PIAS4: variants seen among roughly 807,000 people sequenced by gnomAD.
PIAS4 encodes the protein protein inhibitor of activated STAT 4.
In PIAS4, 7 loss-of-function variants were observed where a neutral mutation model predicts 58.0. That is an observed-to-expected ratio of 0.12 (90% CI 0.07 to 0.23). The LOEUF is 0.23. PIAS4 is among the 10% of genes least tolerant of loss of function. PIAS4 has a pLI of 1.00. For missense variants in PIAS4, 550 were observed against 709.5 expected, an observed-to-expected ratio of 0.78 and a Z score of 2.55; for synonymous variants, 364 against 312.4, an observed-to-expected ratio of 1.17 and a Z score of -1.74.
Position 4,037,531 on chromosome 19 carries a change from C to T in PIAS4, c.1273+27C>T. The stretch of plus-strand genomic sequence containing the variant: ...TGAGTGCCTCACCCCACCAGCCGCG[C>T]AGTCCGCAGCCAGGGCCGCCTCAGT... On this transcript the variant is annotated intron_variant, in intron 10 of 10. Coordinates refer to ENST00000262971, the MANE Select transcript of PIAS4 (RefSeq NM_015897.4). This position sits in a 1 kb window ranked among gnomAD's most constrained non-coding sequence, Gnocchi z 5.8. The T allele has an allele frequency of 1.2e-6, 2 of 1,608,058 alleles. No homozygotes were observed. The highest frequency in any genetic ancestry group is 2.2e-5 in the East Asian group (1 of 44,876).
At chr19:4,036,091 C>G (rs2040279005) in intron 9 of PIAS4, among the ~76,000 whole-genome samples, 2 of 127,484 alleles carry the variant, frequency 1.6e-5, no homozygotes, top group Admixed American at 8.0e-5. Context: ...GTACAGTCCA[C>G]ACCGTCATAC....
At chr19:4,026,717 CTG>C (rs2040168503) in intron 3 of PIAS4, among the ~76,000 whole-genome samples, 2 of 152,128 alleles carry the variant, frequency 1.3e-5, no homozygotes, top group Non-Finnish European at 2.9e-5. Flanking sequence ...GAATCTCACT[CTG>C]TCGCCCAGGC....
intron 1 of PIAS4, among the ~76,000 whole-genome samples, chr19:4,012,604 C>T (rs2040006777): frequency 6.6e-6 from 1 of 152,126 alleles, no homozygotes; most frequent in Admixed American, 6.5e-5. Context: ...AAGTAAAGCA[C>T]AATTGTCAGT....
chr19:4,037,818 G>A lies in PIAS4; in HGVS notation c.1476G>A (p.Glu492=), dbSNP rs1012581725. The A allele has an allele frequency of 1.3e-6, 2 of 1,579,996 alleles. No individual in the cohort carries two copies. The highest frequency in any genetic ancestry group is 1.7e-6 in the Non-Finnish European group (2 of 1,163,760). The change falls in exon 11 of 11, where the codon GAG becomes GAA. Residue 492 remains glutamate, a synonymous_variant. Coordinates refer to ENST00000262971, the MANE Select transcript of PIAS4 (RefSeq NM_015897.4). The surrounding 1 kb of genome is among the most constrained non-coding windows in gnomAD (Gnocchi z 5.8). ...AGGAGGAGGAAGACGAGGACGAAGA[G>A]GGGCCCCGGCCCAAGCGCCGCTGCC... ...EEEEEEDEDE[E]GPRPKRRCPF... is the part of the protein sequence containing the mutation.
rs964229869 is a variant in PIAS4, at chr19:4,037,149, C to T, written c.1143-225C>T. 3.9e-4 allele frequency among the ~76,000 whole-genome samples: 59 copies of T among 152,240 alleles called. No homozygotes were observed. The highest frequency in any genetic ancestry group is 1.3e-3 in the African/African-American group (54 of 41,462). ...TATGTGTGTCCATGCCCCGTCCCCC[C>T]GGCAGTGCCGTGCACTGCAGACCTG... On this transcript the variant is annotated intron_variant, in intron 9 of 10. Coordinates refer to ENST00000262971, the MANE Select transcript of PIAS4 (RefSeq NM_015897.4). This position sits in a 1 kb window ranked among gnomAD's most constrained non-coding sequence, Gnocchi z 5.8.
intron 2 of PIAS4, among the ~76,000 whole-genome samples, chr19:4,014,995 C>A (rs537380523): frequency 6.6e-6 from 1 of 152,192 alleles, no homozygotes; most frequent in Admixed American, 6.5e-5. Context: ...CCTGAGGCTC[C>A]GCCTTCCAAG....
intron 2 of PIAS4, among the ~76,000 whole-genome samples, chr19:4,022,851 T>C (rs2040123784): frequency 6.7e-6 from 1 of 149,662 alleles, no homozygotes. Flanking sequence ...TTTTTTTTTT[T>C]GAGACACCAC....
chr19:4,021,742 C>CTTTTTTTTTT (rs776416490), intron 2 of PIAS4, among the ~76,000 whole-genome samples: 7 of 104,084 alleles, frequency 6.7e-5, no homozygotes, highest in African/African-American at 1.5e-4. Flanking sequence ...TTTTCTTTTT[C>CTTTTTTTTTT]TTTTTTTTTT....
intron 3 of PIAS4, among the ~76,000 whole-genome samples, chr19:4,024,352 C>CGGACTGACT (rs2040141503): frequency 6.6e-6 from 1 of 152,208 alleles, no homozygotes; most frequent in African/African-American, 2.4e-5. Context: ...TAGAGAGAGG[C>CGGACTGACT]GGACTGACTG....
At chr19:4,032,711 C>T (rs1028155606) in intron 7 of PIAS4, among the ~76,000 whole-genome samples, 1 of 152,212 alleles carries the variant, frequency 6.6e-6, no homozygotes, top group African/African-American at 2.4e-5. Flanking sequence ...GAGTCCCTGC[C>T]TCATTCCCCG....
chr19:4,021,468 C>A (rs1440606625), intron 2 of PIAS4, among the ~76,000 whole-genome samples: 1 of 150,140 alleles, frequency 6.7e-6, no homozygotes, highest in Non-Finnish European at 1.5e-5. Flanking sequence ...AGGATTTAAA[C>A]CGGTCTTGGA....
intron 1 of PIAS4, among the ~76,000 whole-genome samples, chr19:4,012,280 C>G (rs1248636441): frequency 1.3e-5 from 2 of 151,968 alleles, no homozygotes; most frequent in African/African-American, 4.8e-5. Flanking sequence ...GGCCTGGGTT[C>G]GAATCTTGGC....
chr19:4,034,365 C>T (rs2040254834), intron 9 of PIAS4, among the ~76,000 whole-genome samples: 1 of 152,146 alleles, frequency 6.6e-6, no homozygotes, highest in Non-Finnish European at 1.5e-5. Flanking sequence ...AGATTTCATC[C>T]CCAGGTGGAC....
At chr19:4,035,988 A>ACCCG in intron 9 of PIAS4, among the ~76,000 whole-genome samples, 1 of 84,066 alleles carries the variant, frequency 1.2e-5, no homozygotes, top group South Asian at 4.5e-4. Context: ...ATACACACAC[A>ACCCG]CACACATCTG....
chr19:4,029,742 C>T (rs2040204406), intron 7 of PIAS4, among the ~76,000 whole-genome samples: 1 of 150,730 alleles, frequency 6.6e-6, no homozygotes, highest in Admixed American at 6.6e-5. Context: ...AACTCGGGCT[C>T]AAGCCATCCT....
At position 4,028,747 on chromosome 19, in the gene PIAS4, G is replaced by T; in HGVS notation, c.700G>T (p.Val234Leu). ...PGYYPSNKPG[V>L]EPKRPCRPIN... ...CTACTACCCCTCCAATAAGCCCGGG[G>T]TGGAGCCCAAGAGGCCGTGCCGCCC... The change falls in exon 6 of 11, where the codon GTG becomes TTG. Residue 234 changes from valine to leucine, a missense_variant. Around this residue, in one of 4 missense-constraint regions of PIAS4, gnomAD observed 225 missense variants for 345.8 expected, o/e 0.65. Transcript: ENST00000262971. 3 of 1,612,848 alleles carry T rather than the reference G, an allele frequency of 1.9e-6. No homozygotes were observed. The highest frequency in any genetic ancestry group is 2.5e-6 in the Non-Finnish European group (3 of 1,179,672).
intron 3 of PIAS4, among the ~76,000 whole-genome samples, chr19:4,025,987 TGGCGTGAA>T (rs2040159702): frequency 7.3e-6 from 1 of 136,946 alleles, no homozygotes; most frequent in African/African-American, 2.9e-5. Context: ...GGCAGGAGAA[TGGCGTGAA>T]CCCGGGAGGC....
chr19:4,028,280 C>A, intron 4 of PIAS4, 93 bp downstream of exon 4: 4 of 969,730 alleles, frequency 4.1e-6, no homozygotes, highest in Non-Finnish European at 4.5e-6. Context: ...TTCTCAGTCT[C>A]CCCTGCTAAC....
chr19:4,029,501 G>A (rs530543478), intron 7 of PIAS4, among the ~76,000 whole-genome samples: 12 of 152,266 alleles, frequency 7.9e-5, no homozygotes, highest in Admixed American at 1.3e-4. Context: ...GACGGGCGGC[G>A]GCGGTCTGAC....
Sources: gnomAD v4.1 joint callset for allele counts (sites outside exome capture counted in the v4.1 genomes callset) on GRCh38, gnomAD v4.1.1 for gene constraint, gnomAD v4.1.1 regional missense constraint, Gnocchi (gnomAD v3.1) non-coding constraint, MANE v1.5 for transcripts, NCBI Gene and HGNC (gene_info 2026-07-23, HGNC 2026-07-21) for gene names.